Variants in ITPRID1 observed in about 807,000 individuals in gnomAD.
The protein encoded by ITPRID1 is ITPR interacting domain containing 1, also known as protein ITPRID1.
ITPRID1 carries 96 observed loss-of-function variants against 95.4 expected under a neutral mutation model. The observed-to-expected ratio is 1.01, with a 90% CI of 0.85 to 1.19. The LOEUF is 1.19. Among genes scored for constraint, ITPRID1 ranks in the 50% most tolerant of loss-of-function variants. The probability of loss-of-function intolerance (pLI) is 0.00; values close to 1 mark genes in which losing one functional copy is unlikely to be tolerated. For missense variants in ITPRID1, 1,339 were observed against 1,252.9 expected, an observed-to-expected ratio of 1.07 and a Z score of -1.04; for synonymous variants, 510 against 453.6, an observed-to-expected ratio of 1.12 and a Z score of -1.58.
chr7:31,590,223 C>G (rs953204303), intron 10 of ITPRID1, among the ~76,000 whole-genome samples: 2 of 152,048 alleles, frequency 1.3e-5, no homozygotes, highest in East Asian at 3.9e-4. Context: ...CACATGCCAC[C>G]ATGCCCAGCT....
intron 11 of ITPRID1, 24 bp from the exon 12 acceptor site, chr7:31,642,658 C>G: frequency 6.2e-7 from 1 of 1,604,108 alleles, no homozygotes; most frequent in East Asian, 2.2e-5. Context: ...GACCTGTTTC[C>G]CTTTGTCCTG....
intron 1 of ITPRID1, among the ~76,000 whole-genome samples, chr7:31,524,073 C>T (rs1783350859): frequency 6.6e-6 from 1 of 152,134 alleles, no homozygotes; most frequent in Non-Finnish European, 1.5e-5. Flanking sequence ...GGGGACAGCG[C>T]AGGAAGTATA....
At chr7:31,583,634 A>C (rs12701123) in intron 10 of ITPRID1, among the ~76,000 whole-genome samples, 57,450 of 152,036 alleles carry the variant, frequency 0.38, 12,177 homozygotes, top group East Asian at 0.53. Flanking sequence ...ATCTGAAAAA[A>C]ACAAAACAAA....
At chr7:31,517,112 A>C (rs1305406441) in intron 1 of ITPRID1, among the ~76,000 whole-genome samples, 4 of 152,202 alleles carry the variant, frequency 2.6e-5, no homozygotes, top group Non-Finnish European at 5.9e-5. Flanking sequence ...CCAGAGAACA[A>C]AGCAAACCTA....
intron 10 of ITPRID1, among the ~76,000 whole-genome samples, chr7:31,639,041 T>A (rs1789757791): frequency 6.6e-6 from 1 of 152,166 alleles, no homozygotes; most frequent in African/African-American, 2.4e-5. Flanking sequence ...CCTCCCAAAG[T>A]GCTGGGATTA....
intron 10 of ITPRID1, among the ~76,000 whole-genome samples, chr7:31,620,780 GAGA>G (rs904555280): frequency 5.9e-5 from 9 of 152,218 alleles, no homozygotes; most frequent in African/African-American, 2.2e-4. Flanking sequence ...GAGGAGGCGA[GAGA>G]AGAAGACATC....
intron 1 of ITPRID1, among the ~76,000 whole-genome samples, chr7:31,533,828 C>T (rs1783676389): frequency 6.6e-6 from 1 of 152,006 alleles, no homozygotes. Context: ...GTATAATTTT[C>T]ATCTTTTTAA....
At chr7:31,658,269 AG>A, downstream of ITPRID1, 7 of 1,502,818 alleles carry the variant, frequency 4.7e-6, no homozygotes, top group Non-Finnish European at 6.2e-6. Flanking sequence ...ATTCTCTTAT[AG>A]GTGAATTATT....
intron 12 of ITPRID1, among the ~76,000 whole-genome samples, chr7:31,645,781 C>T (rs1790412201): frequency 6.6e-6 from 1 of 152,090 alleles, no homozygotes; most frequent in Non-Finnish European, 1.5e-5. Context: ...CTACTGGCAA[C>T]AAGTGGGTAG....
chr7:31,599,552 G>A (rs563414699), intron 10 of ITPRID1, among the ~76,000 whole-genome samples: 3 of 151,650 alleles, frequency 2.0e-5, no homozygotes, highest in Admixed American at 6.6e-5. Flanking sequence ...AGAGCTGATC[G>A]GTGGCTATGA....
intron 12 of ITPRID1, among the ~76,000 whole-genome samples, chr7:31,647,038 A>G (rs560408885): frequency 6.6e-6 from 1 of 152,380 alleles, no homozygotes; most frequent in East Asian, 1.9e-4. Context: ...ATACACACAT[A>G]TACGTGTGCA....
intron 10 of ITPRID1, among the ~76,000 whole-genome samples, chr7:31,619,412 T>C (rs1037904180): frequency 6.6e-6 from 1 of 152,218 alleles, no homozygotes; most frequent in Non-Finnish European, 1.5e-5. Flanking sequence ...ATTAATTAGT[T>C]TTCTATGTAA....
chr7:31,636,363 G>A (rs1444839153), intron 10 of ITPRID1, among the ~76,000 whole-genome samples: 1 of 152,086 alleles, frequency 6.6e-6, no homozygotes, highest in Non-Finnish European at 1.5e-5. Context: ...ATTGTAAGAG[G>A]GTTAATAGCA....
chr7:31,559,562 G>A (rs112619498), intron 5 of ITPRID1, among the ~76,000 whole-genome samples: 4,735 of 152,236 alleles, frequency 0.031, 176 homozygotes, highest in African/African-American at 0.087. Flanking sequence ...CTACTCAGGA[G>A]GCTGAGGCAG....
Position 31,578,191 on chromosome 7 carries a change from GTC to G in ITPRID1, c.931_932del (p.Leu311ValfsTer11). The G allele has an allele frequency of 2.5e-6, 4 of 1,613,740 alleles. No individual in the cohort carries two copies. In the South Asian group the frequency reaches 3.3e-5, roughly 13 times the overall value. ...TSINHKQNHL[S>X]LSVEHQSLQA... ...CAATCAACCACAAGCAAAATCATTTGTCTCTGTCAGTAGAACATCAGTCTCTC... is the reference window on the plus strand; with the variant it reads ...CAATCAACCACAAGCAAAATCATTTGTCTGTCAGTAGAACATCAGTCTCTC... On this transcript the variant is annotated frameshift_variant, in exon 9 of 15. Coordinates refer to ENST00000615280, the MANE Select transcript of ITPRID1 (RefSeq NM_001257967.3). LOFTEE classifies it high-confidence loss of function.
At position 31,519,618 on chromosome 7, in the gene ITPRID1, C is replaced by CCATATATATATATATATATA. The variant is rs1783164406; in HGVS notation, c.-98+5498_-98+5499insCATATATATATATATATATA. Among the ~76,000 whole-genome samples the CCATATATATATATATATATA allele has an allele frequency of 4.1e-4, 13 of 31,692 alleles. 1 individual carries two copies. In the South Asian group the frequency reaches 0.016, roughly 40 times the overall value. The allele number at this position is 31,692 out of a possible 152,430, so 20.8% of individuals were successfully genotyped here. On this transcript the variant is annotated intron_variant, in intron 1 of 14. Transcript: ENST00000615280. The stretch of plus-strand genomic sequence containing the variant: ...TCTCTCTCTCTCTCTCTCTCTCTCT[C>CCATATATATATATATATATA]TCTATATATATATATATATATATAT...
At position 31,599,641 on chromosome 7, in the gene ITPRID1, CTTT is replaced by C. The variant is rs1562598802; in HGVS notation, c.1228+16451_1228+16453del. ...TCTTTCTTTCTTTCTTTCTTTCTTT[CTTT>C]CTTTTTCTTTCTTTCCTTTCTCTCT... On this transcript the variant is annotated intron_variant, in intron 10 of 14. Coordinates refer to ENST00000615280, the MANE Select transcript of ITPRID1 (RefSeq NM_001257967.3). 1.8e-3 allele frequency among the ~76,000 whole-genome samples: 101 copies of C among 54,734 alleles called. 3 individuals are homozygous for C. Among genetic ancestry groups the C allele is most frequent in the African/African-American group, 5.4e-3 (88 of 16,214 alleles). 35.9% of individuals were successfully genotyped at this position (54,734 alleles called of 152,430 possible).
rs575686754 is a variant in ITPRID1 at position 31,572,146 on chromosome 7, C to A, written c.353C>A (p.Thr118Asn). ...FSETPILSRGTSFNSCYSTAS... is the reference protein window; with the variant it reads ...FSETPILSRGNSFNSCYSTAS... ...GAAACTCCCATCCTATCCAGAGGGA[C>A]CAGTTTCAACTCTTGCTATTCTACT... The change falls in exon 7 of 15, where the codon ACC becomes AAC. Residue 118 changes from threonine to asparagine, a missense_variant. Thr to Asn is a moderately conservative substitution (Grantham distance 65). Transcript: ENST00000615280. The A allele has an allele frequency of 1.9e-6, 3 of 1,611,838 alleles. No homozygotes were observed. The Admixed American group carries it at 5.0e-5, about 27-fold the overall frequency.
intron 3 of ITPRID1, 161 bp from the exon 4 acceptor site, chr7:31,554,313 CA>C: frequency 7.9e-7 from 1 of 1,272,172 alleles, no homozygotes; most frequent in South Asian, 2.3e-5. Context: ...TCATGGAAAA[CA>C]GGAGATTTTG....
Sources: allele counts gnomAD v4.1 joint callset (sites outside exome capture counted in the v4.1 genomes callset), GRCh38; gene constraint gnomAD v4.1.1; transcripts MANE v1.5; gene names NCBI Gene and HGNC (gene_info 2026-07-23, HGNC 2026-07-21).